PCDH15: variants seen among roughly 807,000 people sequenced by gnomAD.
PCDH15 encodes the protein protocadherin related 15, also known as protocadherin-15.
Under a neutral mutation model 178.5 loss-of-function variants are expected in PCDH15, and 129 were observed. That is an observed-to-expected ratio of 0.72 (90% CI 0.63 to 0.84). The LOEUF is 0.84. Among genes scored for constraint, PCDH15 ranks in the 40% least tolerant of loss-of-function variants. The pLI is 0.00. For missense variants in PCDH15, 2,230 were observed against 2,099.9 expected (o/e 1.06, Z -1.21); for synonymous variants, 800 against 732.0 (o/e 1.09, Z -1.50).
chr10:54,383,005 A>C (rs1055692519), intron 3 of PCDH15, among the ~76,000 whole-genome samples: 1 of 152,194 alleles, frequency 6.6e-6, no homozygotes, highest in Non-Finnish European at 1.5e-5. Flanking sequence ...AGCAATATAG[A>C]GTTCTATGAG....
At chr10:54,781,553 G>A (rs1293084306) in intron 1 of PCDH15, among the ~76,000 whole-genome samples, 1 of 152,102 alleles carries the variant, frequency 6.6e-6, no homozygotes, top group African/African-American at 2.4e-5. Context: ...CTGATGAAAA[G>A]CTAGTAATTG....
At chr10:53,878,290 A>AAT (rs200022201) in intron 26 of PCDH15, among the ~76,000 whole-genome samples, 9,468 of 130,476 alleles carry the variant, frequency 0.073, 971 homozygotes, top group African/African-American at 0.23. Context: ...ACACACTTTG[A>AAT]ATATATATAT....
intron 6 of PCDH15, among the ~76,000 whole-genome samples, chr10:54,336,806 C>T (rs1231315909): frequency 6.6e-6 from 1 of 152,148 alleles, no homozygotes; most frequent in Admixed American, 6.5e-5. Context: ...GAGTAGAGGG[C>T]CACTGTCCTC....
At chr10:55,333,759 A>G (rs1469212794) in intron 2 of PCDH15, among the ~76,000 whole-genome samples, 2 of 152,120 alleles carry the variant, frequency 1.3e-5, no homozygotes, top group South Asian at 4.1e-4. Flanking sequence ...ATAATATTCC[A>G]TGTCAGTGCC....
At chr10:55,202,568 G>C (rs1206700938) in intron 1 of PCDH15, among the ~76,000 whole-genome samples, 2 of 152,042 alleles carry the variant, frequency 1.3e-5, no homozygotes. Context: ...AAGGAGGTAG[G>C]GGGAGAAGGC....
chr10:54,243,784 A>C (rs770436540), intron 8 of PCDH15, among the ~76,000 whole-genome samples: 61 of 151,990 alleles, frequency 4.0e-4, no homozygotes, highest in Non-Finnish European at 8.8e-4. Context: ...TGTTTGAAAA[A>C]GTATCAGACA....
chr10:54,054,961 A>G (rs995559196), intron 18 of PCDH15, among the ~76,000 whole-genome samples: 5 of 152,168 alleles, frequency 3.3e-5, no homozygotes, highest in Non-Finnish European at 5.9e-5. Flanking sequence ...ATACTGAGCT[A>G]CAAAAAATAA....
At chr10:55,215,364 G>A (rs1840675889) in intron 1 of PCDH15, among the ~76,000 whole-genome samples, 1 of 152,104 alleles carries the variant, frequency 6.6e-6, no homozygotes, top group Admixed American at 6.6e-5. Context: ...TTGGCAAGTA[G>A]TTATGCATTT....
At chr10:54,724,614 G>A (rs949437921) in intron 1 of PCDH15, among the ~76,000 whole-genome samples, 2 of 151,272 alleles carry the variant, frequency 1.3e-5, no homozygotes, top group African/African-American at 2.4e-5. Context: ...ATTTTGTATG[G>A]TGCACCAGAA....
intron 3 of PCDH15, among the ~76,000 whole-genome samples, chr10:54,507,505 G>A (rs566577368): frequency 2.9e-4 from 44 of 151,552 alleles, no homozygotes; most frequent in Non-Finnish European, 5.8e-4. Context: ...ATGGTATATG[G>A]AAAGAAAAAA....
intron 1 of PCDH15, among the ~76,000 whole-genome samples, chr10:55,171,775 T>C (rs1839337723): frequency 6.6e-6 from 1 of 152,108 alleles, no homozygotes; most frequent in Admixed American, 6.6e-5. Flanking sequence ...ATTAGTCATT[T>C]GGTAGTAGAT....
At chr10:54,257,313 C>T (rs2056979647) in intron 8 of PCDH15, among the ~76,000 whole-genome samples, 1 of 151,750 alleles carries the variant, frequency 6.6e-6, no homozygotes, top group African/African-American at 2.4e-5. Context: ...ACAGATATCA[C>T]TTCACATTTC....
chr10:55,324,978 C>G (rs1843993773), intron 2 of PCDH15, among the ~76,000 whole-genome samples: 1 of 151,760 alleles, frequency 6.6e-6, no homozygotes, highest in Non-Finnish European at 1.5e-5. Flanking sequence ...ACAATTGCCA[C>G]AAGAAGAATG....
chr10:54,432,106 A>G (rs1286467002), intron 3 of PCDH15, among the ~76,000 whole-genome samples: 2 of 152,070 alleles, frequency 1.3e-5, no homozygotes, highest in Non-Finnish European at 2.9e-5. Flanking sequence ...CCATGTTCAT[A>G]GGTTGGAAGA....
chr10:54,972,370 T>A (rs1838955369), intron 2 of PCDH15, among the ~76,000 whole-genome samples: 1 of 151,516 alleles, frequency 6.6e-6, no homozygotes, highest in Non-Finnish European at 1.5e-5. Flanking sequence ...TGAAACCCCA[T>A]CTCTACTAAA....
chr10:55,119,233 C>T (rs540018369), intron 2 of PCDH15, among the ~76,000 whole-genome samples: 4 of 152,200 alleles, frequency 2.6e-5, no homozygotes, highest in African/African-American at 9.6e-5. Context: ...TCTCAGTATA[C>T]GACCATGTGA....
chr10:54,234,695 T>C (rs1477254596), intron 9 of PCDH15, among the ~76,000 whole-genome samples: 1 of 152,168 alleles, frequency 6.6e-6, no homozygotes, highest in East Asian at 1.9e-4. Flanking sequence ...CCCCTACAAT[T>C]CTCTTCCTTC....
intron 3 of PCDH15, among the ~76,000 whole-genome samples, chr10:54,463,414 G>T (rs1326732094): frequency 6.6e-6 from 1 of 152,116 alleles, no homozygotes; most frequent in African/African-American, 2.4e-5. Context: ...ACCTAGTAAG[G>T]ATAGATGACT....
chr10:55,317,108 C>A (rs2132295077), intron 1 of PCDH15, among the ~76,000 whole-genome samples: 1 of 152,222 alleles, frequency 6.6e-6, no homozygotes, highest in East Asian at 1.9e-4. Context: ...TGGTTGGGAA[C>A]CAGGGGCAGA....
Sources: allele counts gnomAD v4.1 joint callset (sites outside exome capture counted in the v4.1 genomes callset), GRCh38; gene constraint gnomAD v4.1.1; transcripts MANE v1.5; gene names NCBI Gene and HGNC (gene_info 2026-07-23, HGNC 2026-07-21).